Variants in EDIL3 observed in about 807,000 individuals in gnomAD.
EDIL3 encodes the protein EGF like and discoidin domains 3, also known as EGF-like repeat and discoidin I-like domain-containing protein 3.
In EDIL3, 37 loss-of-function variants were observed where a neutral mutation model predicts 67.4. That is an observed-to-expected ratio of 0.55 (90% CI 0.42 to 0.72). The LOEUF is 0.72. Among genes scored for constraint, EDIL3 ranks in the 30% least tolerant of loss-of-function variants. The pLI, the probability that EDIL3 is intolerant of heterozygous loss-of-function variation, is 0.00. For missense variants in EDIL3, 527 were observed against 586.3 expected, an observed-to-expected ratio of 0.90 and a Z score of 1.04; for synonymous variants, 195 against 196.3, an observed-to-expected ratio of 0.99 and a Z score of 0.05.
chr5:84,140,827 A>C (rs1748175264), intron 4 of EDIL3, among the ~76,000 whole-genome samples: 1 of 152,174 alleles, frequency 6.6e-6, no homozygotes, highest in African/African-American at 2.4e-5. Context: ...GCATAGGTAC[A>C]TACCCAGTAA....
intron 1 of EDIL3, among the ~76,000 whole-genome samples, chr5:84,357,013 C>A (rs1373589816): frequency 1.3e-5 from 2 of 149,340 alleles, no homozygotes; most frequent in Non-Finnish European, 3.0e-5. Context: ...AAACCTCTGC[C>A]TCCCAGGTTC....
chr5:83,999,556 A>G (rs1745288155), intron 9 of EDIL3, among the ~76,000 whole-genome samples: 1 of 152,156 alleles, frequency 6.6e-6, no homozygotes, highest in African/African-American at 2.4e-5. Context: ...AGAAAAAATT[A>G]GTGAACTTGA....
At chr5:84,018,355 C>T (rs1285184790) in intron 9 of EDIL3, among the ~76,000 whole-genome samples, 5 of 152,148 alleles carry the variant, frequency 3.3e-5, no homozygotes, top group African/African-American at 1.2e-4. Context: ...GGTTAAGAAA[C>T]CTTCCTGATA....
chr5:84,044,378 C>A (rs1484280968), intron 9 of EDIL3, among the ~76,000 whole-genome samples: 1 of 151,100 alleles, frequency 6.6e-6, no homozygotes, highest in Non-Finnish European at 1.5e-5. Flanking sequence ...TGTATTTCAG[C>A]CCAGAACCAT....
chr5:84,312,937 T>C (rs1036279985), intron 1 of EDIL3, among the ~76,000 whole-genome samples: 21 of 152,172 alleles, frequency 1.4e-4, no homozygotes, highest in African/African-American at 4.6e-4. Flanking sequence ...AAATGTAATA[T>C]TGGAATATAT....
intron 1 of EDIL3, among the ~76,000 whole-genome samples, chr5:84,341,182 C>G (rs1271472501): frequency 6.6e-6 from 1 of 152,024 alleles, no homozygotes; most frequent in Admixed American, 6.6e-5. Flanking sequence ...TAAATAGGCT[C>G]TCACAAATAT....
chr5:84,002,911 G>A (rs912084553), intron 9 of EDIL3, among the ~76,000 whole-genome samples: 4 of 152,044 alleles, frequency 2.6e-5, no homozygotes, highest in African/African-American at 9.7e-5. Context: ...CTCTAGGCAG[G>A]GCCCCTGGTT....
intron 8 of EDIL3, among the ~76,000 whole-genome samples, chr5:84,062,088 C>T (rs1388974596): frequency 2.6e-5 from 4 of 151,974 alleles, no homozygotes; most frequent in Admixed American, 2.0e-4. Context: ...TGTGTCTTAA[C>T]ACGAGTACAT....
intron 1 of EDIL3, among the ~76,000 whole-genome samples, chr5:84,309,035 T>C (rs2112139710): frequency 6.6e-6 from 1 of 152,246 alleles, no homozygotes; most frequent in South Asian, 2.1e-4. Flanking sequence ...CAGAACTCAA[T>C]ACAGTATAAT....
At position 83,967,317 on chromosome 5, in the gene EDIL3, T is replaced by C. The variant is rs1015658456; in HGVS notation, c.1138-3957A>G. Among the ~76,000 whole-genome samples, 10 of 152,268 alleles carry C rather than the reference T, an allele frequency of 6.6e-5. No homozygotes were observed. In the East Asian group the frequency reaches 1.5e-3, roughly 24 times the overall value. Reference sequence around the variant, plus strand: ...GCCTGGGCAACAGAGCCAGACATCATCTCAAAATAAATAAAATAAATAAAA... The same window carrying C: ...GCCTGGGCAACAGAGCCAGACATCACCTCAAAATAAATAAAATAAATAAAA... On this transcript the variant is annotated intron_variant, in intron 9 of 10. Transcript: ENST00000296591.
At chr5:84,153,976 T>G (rs1580351888) in intron 4 of EDIL3, among the ~76,000 whole-genome samples, 1 of 152,136 alleles carries the variant, frequency 6.6e-6, no homozygotes, top group East Asian at 1.9e-4. Flanking sequence ...AGCTCTACTT[T>G]GAGATAAAGG....
chr5:84,292,296 T>A (rs1294367234), intron 1 of EDIL3, among the ~76,000 whole-genome samples: 1 of 152,194 alleles, frequency 6.6e-6, no homozygotes, highest in Non-Finnish European at 1.5e-5. Flanking sequence ...TGATTTTTTT[T>A]AAATCACAAA....
At chr5:84,368,989 G>T (rs914777995) in intron 1 of EDIL3, among the ~76,000 whole-genome samples, 2 of 151,896 alleles carry the variant, frequency 1.3e-5, no homozygotes, top group African/African-American at 2.4e-5. Context: ...AATAAAAAGT[G>T]TTGTAGAGTA....
chr5:84,348,234 C>T (rs1747272948), intron 1 of EDIL3, among the ~76,000 whole-genome samples: 1 of 152,096 alleles, frequency 6.6e-6, no homozygotes, highest in Non-Finnish European at 1.5e-5. Context: ...TACAGCAAGT[C>T]CCTGCAGTCA....
At chr5:84,135,942 C>T (rs1748084487) in intron 5 of EDIL3, among the ~76,000 whole-genome samples, 1 of 151,554 alleles carries the variant, frequency 6.6e-6, no homozygotes, top group Admixed American at 6.6e-5. Flanking sequence ...TTTATATATA[C>T]TTATATATCA....
Position 84,021,552 on chromosome 5 carries a change from T to C in EDIL3, c.1137+38748A>G, listed in dbSNP as rs1344538520. On this transcript the variant is annotated intron_variant, in intron 9 of 10. Transcript: ENST00000296591. ...ATTGATTTCTAGTTTCATTCCACTG[T>C]AGTTTGAGAAGATACTTGATATAAT... is the stretch of plus-strand genomic sequence containing the variant. 3.3e-5 allele frequency among the ~76,000 whole-genome samples: 5 copies of C among 152,128 alleles called. No homozygotes were observed. The East Asian group carries it at 7.7e-4, about 24-fold the overall frequency.
chr5:84,301,393 G>T (rs1337325048), intron 1 of EDIL3, among the ~76,000 whole-genome samples: 2 of 151,894 alleles, frequency 1.3e-5, no homozygotes, highest in African/African-American at 4.8e-5. Context: ...ATAAAAGATA[G>T]TTATTATGAC....
intron 9 of EDIL3, among the ~76,000 whole-genome samples, chr5:84,028,539 A>T (rs550752704): frequency 6.6e-6 from 1 of 152,090 alleles, no homozygotes; most frequent in East Asian, 1.9e-4. Context: ...ATCTAAGACT[A>T]TTCTGAAAAT....
At chr5:84,346,201 T>C (rs550898197) in intron 1 of EDIL3, among the ~76,000 whole-genome samples, 5 of 147,096 alleles carry the variant, frequency 3.4e-5, no homozygotes, top group Admixed American at 1.4e-4. Flanking sequence ...AGTGGTGCAG[T>C]GTTGCGATCT....
Sources: allele counts gnomAD v4.1 joint callset (sites outside exome capture counted in the v4.1 genomes callset), GRCh38; gene constraint gnomAD v4.1.1; transcripts MANE v1.5; gene names NCBI Gene and HGNC (gene_info 2026-07-23, HGNC 2026-07-21).